Variants in CSRNP2 observed in about 807,000 individuals in gnomAD.
CSRNP2 encodes the protein cysteine and serine rich nuclear protein 2.
Under a neutral mutation model 36.6 loss-of-function variants are expected in CSRNP2, and 11 were observed. The ratio of observed to expected loss-of-function variants is 0.30; its 90% confidence interval spans 0.19 to 0.50. The LOEUF (loss-of-function observed/expected upper bound fraction) is 0.50. Ranked by LOEUF, CSRNP2 falls within the 20% of genes least tolerant of loss-of-function variation. CSRNP2 has a pLI of 0.98. For synonymous variants in CSRNP2, 248 were observed against 275.3 expected (o/e 0.90, Z 0.98); for missense variants, 483 against 691.4 (o/e 0.70, Z 3.38).
intron 4 of CSRNP2, among the ~76,000 whole-genome samples, chr12:51,065,768 A>G (rs1466663029): frequency 6.6e-6 from 1 of 152,102 alleles, no homozygotes; most frequent in African/African-American, 2.4e-5. Context: ...CAGCTGCATC[A>G]ATTCTTAGGA....
intron 4 of CSRNP2, among the ~76,000 whole-genome samples, chr12:51,065,802 A>G (rs986993741): frequency 6.6e-6 from 1 of 152,222 alleles, no homozygotes; most frequent in African/African-American, 2.4e-5. Context: ...TGTGTGTAAC[A>G]GAATGACTCA....
chr12:51,079,769 CAAAAAAAA>C (rs35767986), intron 1 of CSRNP2, among the ~76,000 whole-genome samples: 1 of 35,012 alleles, frequency 2.9e-5, no homozygotes, highest in Non-Finnish European at 4.6e-5. Context: ...GAGACCTTGT[CAAAAAAAA>C]AAAAAAAAAA....
At chr12:51,074,384 T>G (rs1939309901) in intron 2 of CSRNP2, among the ~76,000 whole-genome samples, 1 of 152,186 alleles carries the variant, frequency 6.6e-6, no homozygotes. Flanking sequence ...CCCAAAGTGC[T>G]GGGATTACAG....
At chr12:51,071,788 G>A (rs1939170762) in intron 3 of CSRNP2, among the ~76,000 whole-genome samples, 1 of 152,130 alleles carries the variant, frequency 6.6e-6, no homozygotes, top group South Asian at 2.1e-4. Context: ...TTAGGAGAGT[G>A]GAGTTTTCTT....
chr12:51,069,347 C>T (rs1938817375), intron 3 of CSRNP2, among the ~76,000 whole-genome samples: 1 of 142,776 alleles, frequency 7.0e-6, no homozygotes, highest in Non-Finnish European at 1.5e-5. Flanking sequence ...GAATGCAGTG[C>T]ATGATCTCGG....
chr12:51,069,344 G>A (rs11169694), intron 3 of CSRNP2, among the ~76,000 whole-genome samples: 1 of 140,758 alleles, frequency 7.1e-6, no homozygotes. Context: ...ATGGAATGCA[G>A]TGCATGATCT....
rs1441567352 is a variant in CSRNP2 at position 51,061,283 on chromosome 12, G to A, written c.*2463C>T. ...ATTATCACAATGTAAAGAACCTAAAGGGGAAAAAATTATTTTCAGAGAACC... is the reference window on the plus strand; with the variant it reads ...ATTATCACAATGTAAAGAACCTAAAAGGGAAAAAATTATTTTCAGAGAACC... On this transcript the variant is annotated 3_prime_UTR_variant, in exon 5 of 5. Coordinates refer to ENST00000228515, the MANE Select transcript of CSRNP2 (RefSeq NM_030809.3). The A allele has an allele frequency of 3.3e-5, 5 of 152,484 alleles. No individual in the cohort carries two copies. Among genetic ancestry groups the A allele is most frequent in the Non-Finnish European group, 7.4e-5 (5 of 67,998 alleles). The allele number at this position is 152,484 out of a possible 1,614,324, so 9.4% of individuals were successfully genotyped here.
chr12:51,068,154 T>C (rs1287543643), intron 3 of CSRNP2, among the ~76,000 whole-genome samples, 185 bp from the exon 4 acceptor site: 1 of 152,178 alleles, frequency 6.6e-6, no homozygotes, highest in Non-Finnish European at 1.5e-5. Context: ...ATTGGAAAAC[T>C]GTCATTTTAT....
At chr12:51,076,680 G>C in intron 1 of CSRNP2, 33 bp from the exon 2 acceptor site, 1 of 1,140,338 alleles carries the variant, frequency 8.8e-7, no homozygotes, top group South Asian at 1.4e-5. Flanking sequence ...CAGCATTCCT[G>C]TCCCCAGACA....
rs150834716 is a variant in CSRNP2, at chr12:51,081,781, GT to G, written c.-87+1557del. ...ATGTATATTTTAGTACTAGATCTAA[GT>G]TTTTTTCAGGCCTAAAAGGATTCCT... On this transcript the variant is annotated intron_variant, in intron 1 of 4. Transcript: ENST00000228515. Among the ~76,000 whole-genome samples, 5 of 151,568 alleles carry G rather than the reference GT, an allele frequency of 3.3e-5. No individual in the cohort carries two copies. The Admixed American group carries it at 3.3e-4, about 10-fold the overall frequency.
chr12:51,069,637 G>C (rs901842321), intron 3 of CSRNP2, among the ~76,000 whole-genome samples: 1 of 149,732 alleles, frequency 6.7e-6, no homozygotes, highest in Non-Finnish European at 1.5e-5. Context: ...AGGAAAGGTG[G>C]TATCAATAAT....
chr12:51,068,145 T>C (rs530165722), intron 3 of CSRNP2, among the ~76,000 whole-genome samples, 176 bp from the exon 4 acceptor site: 2 of 152,314 alleles, frequency 1.3e-5, no homozygotes, highest in South Asian at 2.1e-4. Flanking sequence ...AATGCAGCAA[T>C]TGGAAAACTG....
intron 4 of CSRNP2, 109 bp from the exon 5 acceptor site, chr12:51,064,778 A>C: frequency 1.1e-6 from 1 of 871,002 alleles, no homozygotes; most frequent in Non-Finnish European, 1.7e-6. Context: ...TCTCCTTGTA[A>C]GAAGAAAAGC....
At chr12:51,069,290 T>TC (rs201729814) in intron 3 of CSRNP2, among the ~76,000 whole-genome samples, 16 of 146,348 alleles carry the variant, frequency 1.1e-4, no homozygotes, top group East Asian at 4.0e-4. Context: ...CTCCTTTCTT[T>TC]TTTTTTTTTT....
intron 3 of CSRNP2, among the ~76,000 whole-genome samples, chr12:51,071,891 A>G (rs1409786953): frequency 6.6e-6 from 1 of 152,218 alleles, no homozygotes; most frequent in Non-Finnish European, 1.5e-5. Flanking sequence ...TGACAGGGTC[A>G]GTGATGGAAT....
At chr12:51,079,348 CTT>C (rs1425648314) in intron 1 of CSRNP2, among the ~76,000 whole-genome samples, 1 of 150,108 alleles carries the variant, frequency 6.7e-6, no homozygotes, top group Non-Finnish European at 1.5e-5. Context: ...TACCCTAGAA[CTT>C]AAAGTATTAA....
At chr12:51,076,952 G>T in intron 1 of CSRNP2, 1 of 160,536 alleles carries the variant, frequency 6.2e-6, no homozygotes, top group Non-Finnish European at 1.3e-5. Flanking sequence ...CACAGTAGCT[G>T]CTCTTCTGAT....
intron 2 of CSRNP2, 69 bp downstream of exon 2, chr12:51,076,342 T>A: frequency 6.5e-7 from 1 of 1,546,286 alleles, no homozygotes; most frequent in Non-Finnish European, 8.9e-7. Flanking sequence ...ACAGACGCTG[T>A]CTCGAGCTGC....
intron 4 of CSRNP2, among the ~76,000 whole-genome samples, chr12:51,065,955 G>A (rs1028706899): frequency 6.6e-6 from 1 of 152,222 alleles, no homozygotes; most frequent in African/African-American, 2.4e-5. Flanking sequence ...TTAAGTTCCA[G>A]ATAAATTTCA....
Sources: allele counts gnomAD v4.1 joint callset (sites outside exome capture counted in the v4.1 genomes callset), GRCh38; gene constraint gnomAD v4.1.1; transcripts MANE v1.5; gene names NCBI Gene and HGNC (gene_info 2026-07-23, HGNC 2026-07-21).